Variants in VWF observed in about 807,000 individuals in gnomAD.
VWF encodes von Willebrand factor, also known as Factor VIII related antigen.
In VWF, 176 loss-of-function variants were observed where a neutral mutation model predicts 308.6. The observed-to-expected ratio is 0.57, with a 90% CI of 0.50 to 0.65. The LOEUF is 0.65. VWF is among the 30% of genes least tolerant of loss of function. The pLI is 0.00. For missense variants in VWF, 3,146 were observed against 3,648.2 expected (o/e 0.86, Z 3.55); for synonymous variants, 1,385 against 1,443.4 (o/e 0.96, Z 0.92).
rs746295014 is a variant in VWF at position 5,971,583 on chromosome 12, G to A, written c.7548+16C>T. On this transcript the variant is annotated intron_variant, in intron 44 of 51. Coordinates refer to ENST00000261405, the MANE Select transcript of VWF (RefSeq NM_000552.5). ...CCCAATCTGCCCTCCTCCCCGTCCC[G>A]GGGGCCTGGACCTACACTCTTCCAG... 2.3e-5 allele frequency: 37 copies of A among 1,607,052 alleles called. No individual in the cohort carries two copies. The highest frequency in any genetic ancestry group is 4.5e-5 in the East Asian group (2 of 44,854).
Position 5,971,607 on chromosome 12 carries a change from A to G in VWF, c.7540T>C (p.Trp2514Arg). 6.2e-7 allele frequency: 1 copy of G among 1,614,024 alleles called. No individual in the cohort carries two copies. Among genetic ancestry groups the G allele is most frequent in the African/African-American group, 1.3e-5 (1 of 75,056 alleles). Residue 2514 changes from tryptophan (W) to arginine (R), a missense_variant, in exon 44 of 52, where the codon TGG becomes CGG. Trp to Arg is a moderately radical substitution (Grantham distance 101). Around this residue, in one of 3 missense-constraint regions of VWF, gnomAD observed 989 missense variants for 1,117.4 expected, o/e 0.89. Transcript: ENST00000261405. ...GSPRGDSQSS[W>R]KSVGSQWASP... is the part of the protein sequence containing the mutation. ...CGGGGGCCTGGACCTACACTCTTCC[A>G]GGAAGACTGGGAGTCCCCCCGCGGT... is the stretch of plus-strand genomic sequence containing the variant.
rs1416647748 is a variant in VWF, at chr12:5,971,651, C to T, written c.7496G>A (p.Cys2499Tyr). ...CCGCGGTGAGCCAGTCACCACCTCACAGGCAGATGGCAGGCACCTTCCACA... is the reference window on the plus strand; with the variant it reads ...CCGCGGTGAGCCAGTCACCACCTCATAGGCAGATGGCAGGCACCTTCCACA... Reference protein sequence around the residue: ...ECCGRCLPSACEVVTGSPRGD... With the variant: ...ECCGRCLPSAYEVVTGSPRGD... The change falls in exon 44 of 52, where the codon TGT (cysteine) becomes TAT (tyrosine). Residue 2499 changes from cysteine (C) to tyrosine (Y), a missense_variant. Cys to Tyr is a radical substitution (Grantham distance 194, BLOSUM62 -2). Around this residue, in one of 3 missense-constraint regions of VWF, gnomAD observed 989 missense variants for 1,117.4 expected, o/e 0.89. Transcript: ENST00000261405. 1 of 1,614,224 alleles carries T rather than the reference C, an allele frequency of 6.2e-7. No homozygotes were observed. Among genetic ancestry groups the T allele is most frequent in the Non-Finnish European group, 8.5e-7 (1 of 1,180,036 alleles).
At chr12:5,968,438 G>C (rs1171744577) in intron 45 of VWF, among the ~76,000 whole-genome samples, 2 of 152,126 alleles carry the variant, frequency 1.3e-5, no homozygotes, top group African/African-American at 4.8e-5. Context: ...TTAAGAGATG[G>C]GATGAATGGG....
rs560813533 is a variant in VWF, at chr12:6,075,986, G to A, written c.658-435C>T. ...GATCTTCTTCACTATGAATGAGGGG[G>A]ATGGGACAAGGGGCTTTATAGAGAT... On this transcript the variant is annotated intron_variant, in intron 6 of 51. Transcript: ENST00000261405. The surrounding 1 kb of genome is among the most constrained non-coding windows in gnomAD (Gnocchi z 4.7). Among the ~76,000 whole-genome samples, 6 of 152,314 alleles carry A rather than the reference G, an allele frequency of 3.9e-5. No individual in the cohort carries two copies. The highest frequency in any genetic ancestry group is 1.2e-4 in the African/African-American group (5 of 41,570).
Position 6,062,973 on chromosome 12 carries a change from C to T in VWF, c.1514G>A (p.Arg505His), listed in dbSNP as rs139830291. The T allele has an allele frequency of 9.8e-5, 158 of 1,612,824 alleles. No homozygotes were observed. The highest frequency in any genetic ancestry group is 1.2e-4 in the Non-Finnish European group (144 of 1,179,982). ...GEDLQMDWDG[R>H]GRLLVKLSPV... Reference sequence around the variant, plus strand: ...ACCTACCTTCACCAGCAGCCTCCCGCGGCCATCCCAGTCCATCTGCAGGTC... The same window carrying T: ...ACCTACCTTCACCAGCAGCCTCCCGTGGCCATCCCAGTCCATCTGCAGGTC... The change falls in exon 13 of 52, where the codon CGC becomes CAC. Residue 505 changes from arginine (R) to histidine (H), a missense_variant. Arg to His is a conservative substitution (Grantham distance 29). This residue lies in a region of VWF where 1,304 missense variants were observed against 1,353.0 expected (regional missense o/e 0.96). Transcript: ENST00000261405.
Position 5,984,154 on chromosome 12 carries a change from T to C in VWF, c.6976+891A>G, listed in dbSNP as rs192269224. Among the ~76,000 whole-genome samples the C allele has an allele frequency of 1.2e-3, 186 of 152,336 alleles. 2 individuals carry two copies. Among genetic ancestry groups the C allele is most frequent in the Admixed American group, 0.011 (163 of 15,306 alleles). On this transcript the variant is annotated intron_variant, in intron 40 of 51. Transcript: ENST00000261405. ...GTTTCTTCTTCTGGAAGGTGGGAAC[T>C]CTACCTTATAGGATCAGTCTGAGGA...
rs1360276932 is a variant in VWF at position 5,985,642 on chromosome 12, G to A, written c.6822C>T (p.Asp2274=). 1.2e-6 allele frequency: 2 copies of A among 1,614,002 alleles called. No homozygotes were observed. The highest frequency in any genetic ancestry group is 1.3e-5 in the African/African-American group (1 of 74,932). ...QHQFLEAWVP[D]HQPCQICTCL... ...ATGTGCAGATCTGACAGGGCTGGTG[G>A]TCCGGGACCCAGGCTTCCAGGAACT... Residue 2274 remains aspartate, a synonymous_variant, in exon 39 of 52, where the codon GAC becomes GAT. Transcript: ENST00000261405.
In VWF at chr12:6,073,640, C is replaced by T. The variant is rs1368854438; in HGVS notation, c.976G>A (p.Val326Met). The change falls in exon 8 of 52, where the codon GTG (valine) becomes ATG (methionine). Residue 326 changes from valine (V) to methionine (M), a missense_variant. Val to Met is a conservative substitution (Grantham distance 21). Transcript: ENST00000261405. The part of the protein sequence containing the change: ...HINEMCQERC[V>M]DGCSCPEGQL... ...TTACCAGGGCAGCTGCAGCCATCCA[C>T]GCATCGCTCCTGACACATTTCATTG... The T allele has an allele frequency of 1.1e-5, 17 of 1,614,130 alleles. No individual in the cohort carries two copies. The highest frequency in any genetic ancestry group is 2.7e-5 in the African/African-American group (2 of 75,042).
At chr12:6,057,783 G>A (rs1021354806) in intron 14 of VWF, 66 bp downstream of exon 14, 61 of 1,514,496 alleles carry the variant, frequency 4.0e-5, no homozygotes, top group Non-Finnish European at 5.1e-5. Flanking sequence ...CCTCCGGAAC[G>A]CACTGCACTA....
intron 5 of VWF, among the ~76,000 whole-genome samples, chr12:6,107,801 G>C (rs968898008): frequency 8.5e-5 from 13 of 152,064 alleles, no homozygotes; most frequent in Non-Finnish European, 1.8e-4. Context: ...TGGGACTACA[G>C]GCACCTGCCA....
intron 47 of VWF, among the ~76,000 whole-genome samples, chr12:5,967,056 A>G (rs188678287): frequency 6.6e-6 from 1 of 152,332 alleles, no homozygotes; most frequent in Admixed American, 6.5e-5. Flanking sequence ...GTCCCGCAAT[A>G]ATAGCTTGGT....
chr12:5,969,099 C>A, intron 45 of VWF, 112 bp downstream of exon 45: 2 of 1,245,644 alleles, frequency 1.6e-6, no homozygotes, highest in Non-Finnish European at 2.3e-6. Context: ...AGATTTCGGT[C>A]CTATCCATTT....
chr12:6,096,134 T>A (rs141618391), intron 5 of VWF, among the ~76,000 whole-genome samples: 1 of 144,984 alleles, frequency 6.9e-6, no homozygotes, highest in African/African-American at 2.9e-5. Flanking sequence ...GATGGATGGA[T>A]GGATGGATGG....
At chr12:6,103,265 T>C (rs1945187900) in intron 5 of VWF, among the ~76,000 whole-genome samples, 1 of 151,858 alleles carries the variant, frequency 6.6e-6, no homozygotes, top group African/African-American at 2.4e-5. Flanking sequence ...GAGGCGGAGC[T>C]TGCAGTGAGC....
At position 6,046,209 on chromosome 12, in the gene VWF, G is replaced by A. The variant is rs1944444787; in HGVS notation, c.2281+514C>T. The stretch of plus-strand genomic sequence containing the variant: ...ACTGCACTCCAACCTGGGTGACAGA[G>A]TGAGACTCTCAAAAAAAAAAGACAG... On this transcript the variant is annotated intron_variant, in intron 17 of 51. Transcript: ENST00000261405. This position sits in a 1 kb window ranked among gnomAD's most constrained non-coding sequence, Gnocchi z 5.0. Among the ~76,000 whole-genome samples, 1 of 152,110 alleles carries A rather than the reference G, an allele frequency of 6.6e-6. No individual in the cohort carries two copies.
rs1294475383 is a variant in VWF at position 6,055,759 on chromosome 12, TATAC to T, written c.1945+1094_1945+1097del. ...CATCTACTTTATATATATATATATG[TATAC>T]ACACACACACACACACACACACACA... On this transcript the variant is annotated intron_variant, in intron 15 of 51. Coordinates refer to ENST00000261405, the MANE Select transcript of VWF (RefSeq NM_000552.5). 2.3e-4 allele frequency among the ~76,000 whole-genome samples: 15 copies of T among 66,260 alleles called. 1 individual carries two copies. Among genetic ancestry groups the T allele is most frequent in the African/African-American group, 7.9e-4 (11 of 13,956 alleles). 43.5% of individuals were successfully genotyped at this position (66,260 alleles called of 152,430 possible). A position where few individuals can be genotyped will look rare whatever the true frequency, so the allele number is the denominator to read the frequency against.
Position 5,967,524 on chromosome 12 carries a change from G to A in VWF, c.7849C>T (p.Leu2617=), listed in dbSNP as rs371948517. 65 of 1,614,038 alleles carry A rather than the reference G, an allele frequency of 4.0e-5. No individual in the cohort carries two copies. The highest frequency in any genetic ancestry group is 4.9e-5 in the Non-Finnish European group (58 of 1,180,042). ...TTGCAGGTGGTCTTCCTGCACTCCA[G>A]CTTGAATCCAGAGATGACCCCCACC... ...VQVGVISGFK[L]ECRKTTCNPC... Residue 2617 remains leucine (L), a synonymous_variant, in exon 47 of 52, where the codon CTG becomes TTG. Coordinates refer to ENST00000261405, the MANE Select transcript of VWF (RefSeq NM_000552.5).
chr12:6,011,980 A>G (rs1944001001), intron 33 of VWF, 107 bp downstream of exon 33: 1 of 1,447,822 alleles, frequency 6.9e-7, no homozygotes, highest in Non-Finnish European at 9.7e-7. Flanking sequence ...GATAATAGTA[A>G]AAGGAAGCAC....
At chr12:6,101,425 G>T (rs1945159911) in intron 5 of VWF, among the ~76,000 whole-genome samples, 1 of 147,136 alleles carries the variant, frequency 6.8e-6, no homozygotes, top group African/African-American at 2.7e-5. Flanking sequence ...AACACAGAGG[G>T]ATAAAGAGCT....
Sources: gnomAD v4.1 joint callset for allele counts (sites outside exome capture counted in the v4.1 genomes callset) on GRCh38, gnomAD v4.1.1 for gene constraint, gnomAD v4.1.1 regional missense constraint, Gnocchi (gnomAD v3.1) non-coding constraint, MANE v1.5 for transcripts, NCBI Gene and HGNC (gene_info 2026-07-23, HGNC 2026-07-21) for gene names.